Variants in BCAS3 observed in about 807,000 individuals in gnomAD.
The protein encoded by BCAS3 is BCAS3 microtubule associated cell migration factor.
A neutral mutation model predicts 116.1 loss-of-function variants in BCAS3; 53 were observed. The ratio of observed to expected loss-of-function variants is 0.46; its 90% confidence interval spans 0.37 to 0.57. The LOEUF is 0.57. Among genes scored for constraint, BCAS3 ranks in the 20% least tolerant of loss-of-function variants. The pLI, the probability that BCAS3 is intolerant of heterozygous loss-of-function variation, is 0.00. For missense variants in BCAS3, 917 were observed against 1,165.4 expected, an observed-to-expected ratio of 0.79 and a Z score of 3.10; for synonymous variants, 391 against 408.2, an observed-to-expected ratio of 0.96 and a Z score of 0.51.
At chr17:60,880,012 G>A (rs1450602854) in intron 9 of BCAS3, among the ~76,000 whole-genome samples, 1 of 152,060 alleles carries the variant, frequency 6.6e-6, no homozygotes, top group African/African-American at 2.4e-5. Context: ...ATGTTTTTAG[G>A]GCATGTGCTG....
At chr17:61,099,349 TAGTC>T (rs777066723) in intron 22 of BCAS3, among the ~76,000 whole-genome samples, 57 of 152,248 alleles carry the variant, frequency 3.7e-4, no homozygotes, top group African/African-American at 9.4e-4. Context: ...TTAATAATGA[TAGTC>T]AGTGATAATC....
rs112082719 is a variant in BCAS3 at position 61,204,691 on chromosome 17, T to C, written c.2425+120127T>C. On this transcript the variant is annotated intron_variant, in intron 22 of 23. Transcript: ENST00000407086. This position sits in a 1 kb window ranked among gnomAD's most constrained non-coding sequence, Gnocchi z 4.2. ...TCATTCCCATTAATTGCTCAGTCTT[T>C]ACCTTGGCGGAGAATGAAAAACTGC... Among the ~76,000 whole-genome samples, 3 of 152,186 alleles carry C rather than the reference T, an allele frequency of 2.0e-5. No homozygotes were observed. The highest frequency in any genetic ancestry group is 7.2e-5 in the African/African-American group (3 of 41,460).
In BCAS3 at chr17:61,019,646, T is replaced by G. The variant is rs2065740133; in HGVS notation, c.1637+3745T>G. 6.6e-6 allele frequency among the ~76,000 whole-genome samples: 1 copy of G among 152,198 alleles called. No individual in the cohort carries two copies. Among genetic ancestry groups the G allele is most frequent in the Non-Finnish European group, 1.5e-5 (1 of 68,024 alleles). ...AATCTCAGACAATATTTCATCCCAT[T>G]AGCTTTCATCCTATTAGATTTTAAA... is the stretch of plus-strand genomic sequence containing the variant. On this transcript the variant is annotated intron_variant, in intron 16 of 23. Transcript: ENST00000407086. This position sits in a 1 kb window ranked among gnomAD's most constrained non-coding sequence, Gnocchi z 5.6.
intron 22 of BCAS3, among the ~76,000 whole-genome samples, chr17:61,299,442 C>CAAAAAAAAAAAAAA (rs538072648): frequency 1.1e-3 from 61 of 57,090 alleles, no homozygotes; most frequent in Middle Eastern, 8.9e-3. Context: ...GACTCCATCT[C>CAAAAAAAAAAAAAA]AAAAAAAAAA....
rs1210838479 is a variant in BCAS3 at position 61,300,331 on chromosome 17, C to T, written c.2426-67996C>T. Among the ~76,000 whole-genome samples the T allele has an allele frequency of 6.6e-6, 1 of 152,158 alleles. No homozygotes were observed. Among genetic ancestry groups the T allele is most frequent in the Non-Finnish European group, 1.5e-5 (1 of 68,038 alleles). On this transcript the variant is annotated intron_variant, in intron 22 of 23. Coordinates refer to ENST00000407086, the MANE Select transcript of BCAS3 (RefSeq NM_017679.5). The surrounding 1 kb of genome is among the most constrained non-coding windows in gnomAD (Gnocchi z 5.1). Reference sequence around the variant, plus strand: ...GTGTCTGGTCCCCATGCCCGCCCTCCTCCCCTTTAACTCCTCGCCTGCCCC... The same window carrying T: ...GTGTCTGGTCCCCATGCCCGCCCTCTTCCCCTTTAACTCCTCGCCTGCCCC...
In BCAS3 at chr17:61,343,060, C is replaced by T. The variant is rs548473221; in HGVS notation, c.2426-25267C>T. Among the ~76,000 whole-genome samples, 1 of 152,320 alleles carries T rather than the reference C, an allele frequency of 6.6e-6. No individual in the cohort carries two copies. The highest frequency in any genetic ancestry group is 2.4e-5 in the African/African-American group (1 of 41,586). ...AGCCACTGAGCCCAGCCGAGATTTTCTTTTAAAGGAAGGTGAGAGAGTAAC... is the reference window on the plus strand; with the variant it reads ...AGCCACTGAGCCCAGCCGAGATTTTTTTTTAAAGGAAGGTGAGAGAGTAAC... On this transcript the variant is annotated intron_variant, in intron 22 of 23. Coordinates refer to ENST00000407086, the MANE Select transcript of BCAS3 (RefSeq NM_017679.5). This position sits in a 1 kb window ranked among gnomAD's most constrained non-coding sequence, Gnocchi z 5.5.
chr17:61,048,480 A>G (rs1041905968), intron 19 of BCAS3, among the ~76,000 whole-genome samples: 3 of 152,018 alleles, frequency 2.0e-5, no homozygotes, highest in Non-Finnish European at 4.4e-5. Context: ...TCAGTTGAGG[A>G]GACAGAGCTG....
intron 22 of BCAS3, among the ~76,000 whole-genome samples, chr17:61,273,587 T>G (rs2050498473): frequency 6.6e-6 from 1 of 152,132 alleles, no homozygotes; most frequent in Non-Finnish European, 1.5e-5. Flanking sequence ...AGTTTCTTGG[T>G]TCTATGAGTT....
chr17:60,708,717 A>G (rs2144001969), intron 4 of BCAS3, among the ~76,000 whole-genome samples: 1 of 152,084 alleles, frequency 6.6e-6, no homozygotes, highest in South Asian at 2.1e-4. Flanking sequence ...TTTAGTGGAG[A>G]TGGGGTTTCA....
rs541613200 is a variant in BCAS3, at chr17:61,355,690, TAAA to T, written c.2426-12636_2426-12634del. 1.8e-3 allele frequency among the ~76,000 whole-genome samples: 272 copies of T among 152,304 alleles called. 1 individual carries two copies. The highest frequency in any genetic ancestry group is 5.6e-3 in the African/African-American group (234 of 41,566). The stretch of plus-strand genomic sequence containing the variant: ...GATGATTTCAGTGCAATAGTGTGTA[TAAA>T]GTAGCTATGCCTGATGCAAAGTGGA... On this transcript the variant is annotated intron_variant, in intron 22 of 23. Coordinates refer to ENST00000407086, the MANE Select transcript of BCAS3 (RefSeq NM_017679.5). This position sits in a 1 kb window ranked among gnomAD's most constrained non-coding sequence, Gnocchi z 4.2.
At position 61,223,181 on chromosome 17, in the gene BCAS3, G is replaced by A. The variant is rs547346356; in HGVS notation, c.2425+138617G>A. On this transcript the variant is annotated intron_variant, in intron 22 of 23. Coordinates refer to ENST00000407086, the MANE Select transcript of BCAS3 (RefSeq NM_017679.5). ...TTTTTTTTTTTTTTTTTTTTGAGAC[G>A]GAGTTTCACTCTGTTGCCCAGGCTG... Among the ~76,000 whole-genome samples the A allele has an allele frequency of 1.2e-3, 112 of 92,314 alleles. 1 individual carries two copies. Among genetic ancestry groups the A allele is most frequent in the African/African-American group, 4.3e-3 (98 of 22,884 alleles). 60.6% of individuals were successfully genotyped at this position (92,314 alleles called of 152,430 possible).
At chr17:61,283,324 T>A (rs573417882) in intron 22 of BCAS3, among the ~76,000 whole-genome samples, 2 of 152,364 alleles carry the variant, frequency 1.3e-5, no homozygotes, top group African/African-American at 4.8e-5. Context: ...CTAAGTACTT[T>A]ATGTTACGTT....
chr17:61,317,294 C>T (rs193186282), intron 22 of BCAS3, among the ~76,000 whole-genome samples: 3 of 152,312 alleles, frequency 2.0e-5, no homozygotes, highest in Admixed American at 2.0e-4. Flanking sequence ...TCCTCCAGAG[C>T]CCACCCAGGA....
chr17:60,891,337 T>C (rs951988669), intron 10 of BCAS3, among the ~76,000 whole-genome samples: 2 of 152,186 alleles, frequency 1.3e-5, no homozygotes, highest in East Asian at 1.9e-4. Context: ...ACTCCCTTCA[T>C]AGATGCATAG....
chr17:61,231,774 G>A (rs1401102734), intron 22 of BCAS3, among the ~76,000 whole-genome samples: 1 of 151,356 alleles, frequency 6.6e-6, no homozygotes, highest in African/African-American at 2.4e-5. Flanking sequence ...GCTACTCAGG[G>A]GGCTGAAGTG....
In BCAS3 at chr17:60,710,634, C is replaced by T. The variant is rs563848051; in HGVS notation, c.321+1309C>T. ...TTTTAGTACAGATGGGGTTTCACCACGTTAGCCAGGATGATCTTGATCTGC... is the reference window on the plus strand; with the variant it reads ...TTTTAGTACAGATGGGGTTTCACCATGTTAGCCAGGATGATCTTGATCTGC... On this transcript the variant is annotated intron_variant, in intron 5 of 23. Transcript: ENST00000407086. 1.9e-3 allele frequency among the ~76,000 whole-genome samples: 283 copies of T among 151,834 alleles called. 1 individual carries two copies. Among genetic ancestry groups the T allele is most frequent in the Middle Eastern group, 0.017 (5 of 294 alleles).
rs1047547705 is a variant in BCAS3 at position 60,993,878 on chromosome 17, G to T, written c.1486+3643G>T. ...TAGGTTAGGATTATTTTATCTATTT[G>T]CCAATTTTTTTAACTTTCCAGAGGA... On this transcript the variant is annotated intron_variant, in intron 15 of 23. Coordinates refer to ENST00000407086, the MANE Select transcript of BCAS3 (RefSeq NM_017679.5). This position sits in a 1 kb window ranked among gnomAD's most constrained non-coding sequence, Gnocchi z 4.2. Among the ~76,000 whole-genome samples the T allele has an allele frequency of 7.2e-5, 11 of 151,842 alleles. No homozygotes were observed. The highest frequency in any genetic ancestry group is 2.7e-4 in the African/African-American group (11 of 41,352).
chr17:60,920,756 G>A (rs2059028733), intron 12 of BCAS3, among the ~76,000 whole-genome samples: 1 of 152,100 alleles, frequency 6.6e-6, no homozygotes, highest in South Asian at 2.1e-4. Context: ...CATAGTCCCA[G>A]CTACTCGGGA....
intron 9 of BCAS3, among the ~76,000 whole-genome samples, chr17:60,880,048 G>C (rs1316304923): frequency 6.6e-6 from 1 of 152,282 alleles, no homozygotes; most frequent in African/African-American, 2.4e-5. Context: ...TGGACACTCA[G>C]TGAATATATA....
Sources: gnomAD v4.1 joint callset for allele counts (sites outside exome capture counted in the v4.1 genomes callset) on GRCh38, gnomAD v4.1.1 for gene constraint, Gnocchi (gnomAD v3.1) non-coding constraint, MANE v1.5 for transcripts, NCBI Gene and HGNC (gene_info 2026-07-23, HGNC 2026-07-21) for gene names.